The following GPD2 variants were observed in gnomAD, a reference collection of about 807,000 sequenced individuals.
GPD2 encodes the protein glycerol-3-phosphate dehydrogenase 2.
GPD2 carries 54 observed loss-of-function variants against 82.4 expected under a neutral mutation model. The ratio of observed to expected loss-of-function variants is 0.66; its 90% CI spans 0.53 to 0.82. The LOEUF (loss-of-function observed/expected upper bound fraction) is 0.82, where lower values mean the gene tolerates loss of function less well. Ranked by LOEUF, GPD2 falls within the 40% of genes least tolerant of loss-of-function variation. GPD2 has a pLI of 0.00. For missense variants in GPD2, 748 were observed against 896.2 expected (o/e 0.83, Z 2.11); for synonymous variants, 288 against 306.1 (o/e 0.94, Z 0.62).
intron 6 of GPD2, among the ~76,000 whole-genome samples, chr2:156,539,638 T>G (rs1038750112): frequency 1.3e-5 from 2 of 152,200 alleles, no homozygotes; most frequent in Non-Finnish European, 2.9e-5. Context: ...GGCACATGGT[T>G]CCATGTGTTT....
intron 6 of GPD2, among the ~76,000 whole-genome samples, chr2:156,539,291 A>G (rs1366516562): frequency 1.2e-4 from 19 of 152,194 alleles, no homozygotes; most frequent in Admixed American, 1.2e-3. Flanking sequence ...GACCTACTTA[A>G]TAGATGAAAC....
At chr2:156,553,803 A>G (rs1686858737) in intron 8 of GPD2, among the ~76,000 whole-genome samples, 1 of 152,248 alleles carries the variant, frequency 6.6e-6, no homozygotes, top group South Asian at 2.1e-4. Flanking sequence ...GAATAAAGGT[A>G]TATATTACCC....
chr2:156,531,391 A>T (rs940453615), intron 6 of GPD2, among the ~76,000 whole-genome samples: 4 of 152,212 alleles, frequency 2.6e-5, no homozygotes, highest in African/African-American at 9.7e-5. Context: ...CAACTGTAGC[A>T]ACCCCAGGCT....
chr2:156,485,311 C>T (rs1489395282), intron 2 of GPD2, among the ~76,000 whole-genome samples: 1 of 152,160 alleles, frequency 6.6e-6, no homozygotes, highest in Non-Finnish European at 1.5e-5. Context: ...CATAAGCTAC[C>T]TGTTTTGCTT....
At chr2:156,431,925 T>A (rs1688321077), upstream of GPD2, among the ~76,000 whole-genome samples, 1 of 150,220 alleles carries the variant, frequency 6.7e-6, no homozygotes, top group Non-Finnish European at 1.5e-5. Context: ...CTCGCCCTGT[T>A]GCCCAGGCTG....
intron 6 of GPD2, among the ~76,000 whole-genome samples, chr2:156,546,713 G>C (rs1275636648): frequency 6.6e-6 from 1 of 152,126 alleles, no homozygotes; most frequent in East Asian, 1.9e-4. Context: ...TACCTTCTGG[G>C]ATAAGTCCCG....
rs988434117 is a variant in GPD2 at position 156,584,205 on chromosome 2, G to A, written c.*1287G>A. 46 of 151,972 alleles carry A rather than the reference G, an allele frequency of 3.0e-4. No homozygotes were observed. The highest frequency in any genetic ancestry group is 2.6e-3 in the Admixed American group (39 of 15,228). 9.4% of individuals were successfully genotyped at this position (151,972 alleles called of 1,614,324 possible). ...TTTGGGATGCTTTTGCTACATTTTG[G>A]TGGCATTTTAACTAGTTATCTGAAT... On this transcript the variant is annotated 3_prime_UTR_variant, in exon 17 of 17. Coordinates refer to ENST00000438166, the MANE Select transcript of GPD2 (RefSeq NM_000408.5).
In GPD2 at chr2:156,481,807, G is replaced by A. The variant is rs143709999; in HGVS notation, c.102+5600G>A. Among the ~76,000 whole-genome samples, 1,220 of 152,216 alleles carry A rather than the reference G, an allele frequency of 8.0e-3. 5 individuals carry two copies. Among genetic ancestry groups the A allele is most frequent in the Non-Finnish European group, 0.012 (787 of 68,016 alleles). On this transcript the variant is annotated intron_variant, in intron 2 of 16. Coordinates refer to ENST00000438166, the MANE Select transcript of GPD2 (RefSeq NM_000408.5). ...TTTCATTCTTTTTAATAACTGAATAGTATTCCATCATGTATACATATACCA... is the reference window on the plus strand; with the variant it reads ...TTTCATTCTTTTTAATAACTGAATAATATTCCATCATGTATACATATACCA...
At chr2:156,418,793 A>C in the GPD2 span, among the ~76,000 whole-genome samples, 1 of 152,154 alleles carries the variant, frequency 6.6e-6, no homozygotes, top group Non-Finnish European at 1.5e-5. Context: ...ATTATTAGGG[A>C]GAATGAGTGG....
chr2:156,537,925 C>T (rs1489932451), intron 6 of GPD2, among the ~76,000 whole-genome samples: 19 of 152,138 alleles, frequency 1.2e-4, no homozygotes, highest in South Asian at 6.2e-4. Flanking sequence ...CCCAAACCCC[C>T]GAGGGGAAGT....
intron 1 of GPD2, among the ~76,000 whole-genome samples, chr2:156,454,672 T>C (rs1262847190): frequency 6.6e-6 from 1 of 151,734 alleles, no homozygotes; most frequent in Non-Finnish European, 1.5e-5. Context: ...GGGGATAGAG[T>C]TTAAGTACCA....
At chr2:156,470,202 C>CT (rs530497549) in intron 1 of GPD2, among the ~76,000 whole-genome samples, 17 of 147,906 alleles carry the variant, frequency 1.1e-4, no homozygotes, top group Admixed American at 2.7e-4. Flanking sequence ...TTTTCTTTTT[C>CT]TTTTTTTTTT....
At chr2:156,514,126 ATTCT>A (rs1685107986) in intron 6 of GPD2, among the ~76,000 whole-genome samples, 1 of 98,154 alleles carries the variant, frequency 1.0e-5, no homozygotes, top group South Asian at 3.4e-4. Context: ...TTCAATGTTC[ATTCT>A]TTTTTTTTTT....
At chr2:156,504,919 G>A (rs367998021) in intron 3 of GPD2, among the ~76,000 whole-genome samples, 1 of 151,918 alleles carries the variant, frequency 6.6e-6, no homozygotes, top group Non-Finnish European at 1.5e-5. Context: ...TGTCAACTGT[G>A]GTTATCTCTG....
At chr2:156,543,799 G>T (rs1183297934) in intron 6 of GPD2, among the ~76,000 whole-genome samples, 2 of 152,112 alleles carry the variant, frequency 1.3e-5, no homozygotes, top group Non-Finnish European at 2.9e-5. Context: ...GTGAAGGAGT[G>T]GTGGGCATTG....
At chr2:156,527,474 C>T (rs1199140185) in intron 6 of GPD2, among the ~76,000 whole-genome samples, 1 of 152,036 alleles carries the variant, frequency 6.6e-6, no homozygotes, top group Non-Finnish European at 1.5e-5. Context: ...AACCACACAA[C>T]ACCTATTTTT....
chr2:156,578,316 A>G (rs544581576), intron 13 of GPD2, among the ~76,000 whole-genome samples: 1 of 152,274 alleles, frequency 6.6e-6, no homozygotes, highest in South Asian at 2.1e-4. Context: ...ACTTCATGTC[A>G]CATTATAGTG....
At chr2:156,519,203 A>AT (rs989437822) in intron 6 of GPD2, among the ~76,000 whole-genome samples, 11 of 151,436 alleles carry the variant, frequency 7.3e-5, no homozygotes, top group Admixed American at 3.9e-4. Context: ...AGTCAGTTTA[A>AT]TTTTTTTGGG....
chr2:156,535,323 A>T (rs1158516396), intron 6 of GPD2, among the ~76,000 whole-genome samples: 1 of 132,538 alleles, frequency 7.5e-6, no homozygotes, highest in South Asian at 2.5e-4. Context: ...AAGACCTGGG[A>T]AAGAGAGAGA....
Sources: allele counts gnomAD v4.1 joint callset (sites outside exome capture counted in the v4.1 genomes callset), GRCh38; gene constraint gnomAD v4.1.1; transcripts MANE v1.5; gene names NCBI Gene and HGNC (gene_info 2026-07-23, HGNC 2026-07-21).